STX17: variants seen among roughly 807,000 people sequenced by gnomAD.
The protein encoded by STX17 is syntaxin 17, also known as syntaxin-17.
In STX17, 29 loss-of-function variants were observed where a neutral mutation model predicts 35.9. The ratio of observed to expected loss-of-function variants is 0.81; its 90% CI spans 0.60 to 1.10. The LOEUF is 1.10. STX17 is among the 50% of genes least tolerant of loss of function. STX17 has a pLI of 0.00. For synonymous variants in STX17, 92 were observed against 118.3 expected (o/e 0.78, Z 1.44); for missense variants, 312 against 352.3 (o/e 0.89, Z 0.92).
In STX17 at chr9:99,968,599, A is replaced by C; in HGVS notation, c.835A>C (p.Lys279Gln). Residue 279 changes from lysine to glutamine, a missense_variant, in exon 8 of 8, where the codon AAA becomes CAA. By Grantham distance (53) the Lys-to-Gln change is moderately conservative. Coordinates refer to ENST00000259400, the MANE Select transcript of STX17 (RefSeq NM_017919.3). ...FTGGKLIQRKKQKMMEKLTSS... is the reference protein window; with the variant it reads ...FTGGKLIQRKQQKMMEKLTSS... ...AGGTGGAAAATTGATACAAAGAAAG[A>C]AACAGAAAATGATGGAGAAGCTCAC... is the stretch of plus-strand genomic sequence containing the variant. 6.2e-7 allele frequency: 1 copy of C among 1,613,966 alleles called. No individual in the cohort carries two copies.
At position 99,967,753 on chromosome 9, in the gene STX17, C is replaced by T. The variant is rs376269675; in HGVS notation, c.669+14C>T. 3.6e-5 allele frequency: 58 copies of T among 1,611,444 alleles called. No individual in the cohort carries two copies. The Middle Eastern group carries it at 5.0e-4, about 14-fold the overall frequency. ...AACTTAGGGAAGGTAAGATTCTGCT[C>T]CTGCTGACAAATCAATGGTACTCTG... On this transcript the variant is annotated intron_variant, in intron 7 of 7. Transcript: ENST00000259400.
At chr9:99,938,572 C>A (rs996925707) in intron 3 of STX17, among the ~76,000 whole-genome samples, 17 of 152,096 alleles carry the variant, frequency 1.1e-4, no homozygotes, top group Admixed American at 1.3e-4. Flanking sequence ...ATTGCCTGAG[C>A]TCATGAGTTC....
intron 2 of STX17, among the ~76,000 whole-genome samples, chr9:99,924,922 C>T (rs2118353497): frequency 6.6e-6 from 1 of 152,252 alleles, no homozygotes; most frequent in African/African-American, 2.4e-5. Flanking sequence ...TAGATTCCTG[C>T]TGTCAGGTTG....
chr9:99,952,593 T>C (rs1421170437), intron 4 of STX17, among the ~76,000 whole-genome samples: 7 of 151,966 alleles, frequency 4.6e-5, no homozygotes, highest in South Asian at 2.1e-4. Flanking sequence ...ATGTTTATTG[T>C]GGCAGTATTC....
chr9:99,912,633 G>A (rs949882045), intron 1 of STX17, among the ~76,000 whole-genome samples: 1 of 152,090 alleles, frequency 6.6e-6, no homozygotes, highest in Non-Finnish European at 1.5e-5. Flanking sequence ...TGTAAGCAGG[G>A]TAATTACACT....
intron 4 of STX17, among the ~76,000 whole-genome samples, chr9:99,959,149 A>G (rs191364944): frequency 4.8e-4 from 73 of 152,350 alleles, no homozygotes; most frequent in African/African-American, 1.7e-3. Flanking sequence ...GCCAAGTAGA[A>G]TAGTTTTCTT....
chr9:99,967,472 C>CCT (rs1554703381), intron 6 of STX17, 181 bp from the exon 7 acceptor site: 46 of 377,386 alleles, frequency 1.2e-4, no homozygotes, highest in East Asian at 7.7e-4. Flanking sequence ...AGACCCCCCC[C>CCT]TTTTTTTTAT....
At chr9:99,927,651 A>G (rs766448314) in intron 2 of STX17, among the ~76,000 whole-genome samples, 206 of 152,048 alleles carry the variant, frequency 1.4e-3, no homozygotes, top group Non-Finnish European at 2.3e-3. Flanking sequence ...ATTTTTTTGT[A>G]CTTTTAGTAG....
intron 4 of STX17, among the ~76,000 whole-genome samples, chr9:99,954,208 A>G (rs1473656591): frequency 2.6e-5 from 4 of 152,080 alleles, no homozygotes; most frequent in South Asian, 2.1e-4. Context: ...TTAAATCTCT[A>G]TAACTAGTAT....
In STX17 at chr9:99,915,356, T is replaced by C. The variant is rs1348344121; in HGVS notation, c.117T>C (p.Ile39=). The C allele has an allele frequency of 1.3e-6, 2 of 1,595,218 alleles. No homozygotes were observed. The highest frequency in any genetic ancestry group is 1.7e-6 in the Non-Finnish European group (2 of 1,172,862). The change falls in exon 2 of 8, where the codon ATT becomes ATC. Residue 39 remains isoleucine (I), a synonymous_variant. Transcript: ENST00000259400. ...GGTTAAGAAAGCACCAGATAAATAT[T>C]GAGAAGGTGAGCTGTTTCATTTACT... ...LERLRKHQIN[I]EKYQRCRIWD...
At chr9:99,917,633 A>C (rs1828801344) in intron 2 of STX17, among the ~76,000 whole-genome samples, 1 of 152,202 alleles carries the variant, frequency 6.6e-6, no homozygotes, top group Non-Finnish European at 1.5e-5. Context: ...TTTATTATAC[A>C]TGATAAACTT....
At chr9:99,939,227 T>A (rs1829302208) in intron 3 of STX17, among the ~76,000 whole-genome samples, 1 of 151,894 alleles carries the variant, frequency 6.6e-6, no homozygotes, top group South Asian at 2.1e-4. Flanking sequence ...AAAGAAACGA[T>A]TAAGGAGAAG....
intron 2 of STX17, among the ~76,000 whole-genome samples, chr9:99,917,652 T>C (rs1215669027): frequency 6.6e-6 from 1 of 152,212 alleles, no homozygotes; most frequent in Admixed American, 6.5e-5. Context: ...TTGATTAGAA[T>C]GTAATCCTGA....
chr9:99,955,149 C>G (rs893845495), intron 4 of STX17, among the ~76,000 whole-genome samples: 2 of 152,082 alleles, frequency 1.3e-5, no homozygotes, highest in Admixed American at 6.6e-5. Flanking sequence ...TCTTTACTCT[C>G]AGGACACACA....
intron 2 of STX17, among the ~76,000 whole-genome samples, chr9:99,920,071 C>A (rs1828859052): frequency 6.6e-6 from 1 of 152,136 alleles, no homozygotes. Context: ...CTGACAGAAC[C>A]CCATTCAGTT....
At chr9:99,957,986 A>G (rs547388145) in intron 4 of STX17, among the ~76,000 whole-genome samples, 1 of 152,230 alleles carries the variant, frequency 6.6e-6, no homozygotes, top group Non-Finnish European at 1.5e-5. Flanking sequence ...CTAAAATCTG[A>G]TTATGGCACC....
rs1204135732 is a variant in STX17, at chr9:99,971,933, G to A, written c.*3260G>A. On this transcript the variant is annotated 3_prime_UTR_variant, in exon 8 of 8. Transcript: ENST00000259400. ...CCAGCTACATGGGAAGCTGAAGTGG[G>A]AGGATCACTTGAACTCAGGAGCAGC... 6.6e-6 allele frequency among the ~76,000 whole-genome samples: 1 copy of A among 152,178 alleles called. No homozygotes were observed. The highest frequency in any genetic ancestry group is 2.4e-5 in the African/African-American group (1 of 41,424).
At chr9:99,912,582 T>A (rs1828687239) in intron 1 of STX17, among the ~76,000 whole-genome samples, 1 of 152,208 alleles carries the variant, frequency 6.6e-6, no homozygotes, top group South Asian at 2.1e-4. Flanking sequence ...CTTTGTTGAT[T>A]GTTTTAAAGA....
rs2118567618 is a variant in STX17, at chr9:99,972,182, A to G, written c.*3509A>G. ...TTGGCCCTTAAACTATAAAATCAAG[A>G]AAGAGTATTTCAATCCCATCCACCT... On this transcript the variant is annotated 3_prime_UTR_variant, in exon 8 of 8. Transcript: ENST00000259400. Among the ~76,000 whole-genome samples the G allele has an allele frequency of 6.6e-6, 1 of 152,330 alleles. No homozygotes were observed. Among genetic ancestry groups the G allele is most frequent in the East Asian group, 1.9e-4 (1 of 5,188 alleles).
Sources: gnomAD v4.1 joint callset for allele counts (sites outside exome capture counted in the v4.1 genomes callset) on GRCh38, gnomAD v4.1.1 for gene constraint, MANE v1.5 for transcripts, NCBI Gene and HGNC (gene_info 2026-07-23, HGNC 2026-07-21) for gene names.